PRKAA2: variants seen among roughly 807,000 people sequenced by gnomAD.
The protein encoded by PRKAA2 is protein kinase AMP-activated catalytic subunit alpha 2.
Under a neutral mutation model 56.3 loss-of-function variants are expected in PRKAA2, and 40 were observed. That is an observed-to-expected ratio of 0.71 (90% CI 0.55 to 0.92). The LOEUF is 0.92. Ranked by LOEUF, PRKAA2 falls within the 40% of genes least tolerant of loss-of-function variation. The probability of loss-of-function intolerance (pLI) is 0.00; values close to 1 mark genes in which losing one functional copy is unlikely to be tolerated. For synonymous variants in PRKAA2, 214 were observed against 234.2 expected (o/e 0.91, Z 0.79); for missense variants, 542 against 686.9 (o/e 0.79, Z 2.36).
Position 56,711,748 on chromosome 1 carries a change from C to A in PRKAA2, c.*4035C>A, listed in dbSNP as rs1224508964. ...TATGTTTGGCCTCATTTTTATAACT[C>A]CTAAAATGAGAAAGGTAGATTTTAA... is the stretch of plus-strand genomic sequence containing the variant. On this transcript the variant is annotated 3_prime_UTR_variant, in exon 9 of 9. Transcript: ENST00000371244. The A allele has an allele frequency of 1.3e-5, 2 of 152,052 alleles. No individual in the cohort carries two copies. The highest frequency in any genetic ancestry group is 2.4e-5 in the African/African-American group (1 of 41,420). The allele number at this position is 152,052 out of a possible 1,614,324, so 9.4% of individuals were successfully genotyped here.
intron 1 of PRKAA2, among the ~76,000 whole-genome samples, chr1:56,662,987 G>A (rs1004987607): frequency 1.3e-5 from 2 of 152,114 alleles, no homozygotes; most frequent in Non-Finnish European, 2.9e-5. Flanking sequence ...ATAATCAGAT[G>A]TTGTTGTTCC....
chr1:56,705,062 T>C (rs186409428), intron 7 of PRKAA2, among the ~76,000 whole-genome samples: 1 of 152,304 alleles, frequency 6.6e-6, no homozygotes, highest in Non-Finnish European at 1.5e-5. Context: ...TGAATATATG[T>C]GTGGGGAGGG....
At chr1:56,680,399 T>C (rs113412275) in intron 2 of PRKAA2, among the ~76,000 whole-genome samples, 1 of 152,180 alleles carries the variant, frequency 6.6e-6, no homozygotes, top group Non-Finnish European at 1.5e-5. Context: ...AGGGCACATG[T>C]GCACAATGTG....
At chr1:56,706,432 G>A (rs564367258) in intron 8 of PRKAA2, among the ~76,000 whole-genome samples, 54 of 152,308 alleles carry the variant, frequency 3.5e-4, no homozygotes, top group Middle Eastern at 3.4e-3. Context: ...TCTCCGTGGC[G>A]TAAAAGAATC....
chr1:56,663,126 T>C (rs1034601052), intron 1 of PRKAA2, among the ~76,000 whole-genome samples: 7 of 152,168 alleles, frequency 4.6e-5, no homozygotes, highest in African/African-American at 1.7e-4. Context: ...GACAAGGTCT[T>C]TGTGTCACTG....
At chr1:56,655,634 C>A (rs981008326) in intron 1 of PRKAA2, among the ~76,000 whole-genome samples, 1 of 152,078 alleles carries the variant, frequency 6.6e-6, no homozygotes, top group East Asian at 1.9e-4. Flanking sequence ...TAGGCCCCAT[C>A]TCCAACATTG....
intron 1 of PRKAA2, among the ~76,000 whole-genome samples, chr1:56,658,722 C>G (rs114799249): frequency 1.3e-5 from 2 of 151,456 alleles, no homozygotes; most frequent in Non-Finnish European, 2.9e-5. Flanking sequence ...AGTGATCCTC[C>G]GTGATCCTCC....
At chr1:56,669,054 G>A (rs965304545) in intron 1 of PRKAA2, among the ~76,000 whole-genome samples, 8 of 152,088 alleles carry the variant, frequency 5.3e-5, no homozygotes, top group Non-Finnish European at 1.0e-4. Flanking sequence ...AGTTGGAAGG[G>A]GAATTAGCTT....
intron 1 of PRKAA2, among the ~76,000 whole-genome samples, chr1:56,666,974 C>T (rs1260993993): frequency 3.9e-5 from 6 of 152,146 alleles, no homozygotes; most frequent in Non-Finnish European, 7.3e-5. Context: ...CCAACACCAT[C>T]GTACAAAATT....
rs1644373923 is a variant in PRKAA2 at position 56,712,333 on chromosome 1, C to T, written c.*4620C>T. ...AAAATAAACACAGATGTATTGCTTT[C>T]AAGTCTTAGAGTGACATAAAGTAGT... On this transcript the variant is annotated 3_prime_UTR_variant, in exon 9 of 9. Transcript: ENST00000371244. 1 of 152,146 alleles carries T rather than the reference C, an allele frequency of 6.6e-6. No individual in the cohort carries two copies. Among genetic ancestry groups the T allele is most frequent in the Non-Finnish European group, 1.5e-5 (1 of 68,010 alleles). The allele number at this position is 152,146 out of a possible 1,614,324, so 9.4% of individuals were successfully genotyped here. A position where few individuals can be genotyped will look rare whatever the true frequency, so the allele number is the denominator to read the frequency against.
At chr1:56,675,409 C>T (rs559109277) in intron 2 of PRKAA2, among the ~76,000 whole-genome samples, 1 of 151,654 alleles carries the variant, frequency 6.6e-6, no homozygotes, top group African/African-American at 2.4e-5. Context: ...TTAATATTAT[C>T]TTCATGATCA....
At chr1:56,672,797 C>A (rs1569742673) in intron 1 of PRKAA2, among the ~76,000 whole-genome samples, 1 of 151,998 alleles carries the variant, frequency 6.6e-6, no homozygotes, top group East Asian at 1.9e-4. Flanking sequence ...AGGTGGAAAC[C>A]AGATAGCTGT....
rs191242482 is a variant in PRKAA2 at position 56,702,455 on chromosome 1, G to A, written c.789-1516G>A. On this transcript the variant is annotated intron_variant, in intron 6 of 8. Transcript: ENST00000371244. Reference sequence around the variant, plus strand: ...CTTTACAGAATGATAACTAGGTTATGCTACCCTGTCTCTTTAAAATCCTTC... The same window carrying A: ...CTTTACAGAATGATAACTAGGTTATACTACCCTGTCTCTTTAAAATCCTTC... Among the ~76,000 whole-genome samples, 267 of 152,264 alleles carry A rather than the reference G, an allele frequency of 1.8e-3. 3 individuals are homozygous for A. The highest frequency in any genetic ancestry group is 0.017 in the Middle Eastern group (5 of 294).
At chr1:56,647,051 A>T (rs1646648739) in intron 1 of PRKAA2, among the ~76,000 whole-genome samples, 1 of 152,256 alleles carries the variant, frequency 6.6e-6, no homozygotes, top group Non-Finnish European at 1.5e-5. Context: ...GTTTTCAATA[A>T]GGTGGTCAGA....
At chr1:56,655,280 A>ATATATATATATATATTTT in intron 1 of PRKAA2, among the ~76,000 whole-genome samples, 21 of 93,654 alleles carry the variant, frequency 2.2e-4, no homozygotes, top group African/African-American at 7.3e-4. Flanking sequence ...ATATATATAT[A>ATATATATATATATATTTT]TTTTTTTTTT....
chr1:56,703,877 CTTTTGATTATA>C, intron 6 of PRKAA2, 83 bp from the exon 7 acceptor site: 1 of 1,383,626 alleles, frequency 7.2e-7, no homozygotes, highest in Non-Finnish European at 9.8e-7. Context: ...GAGACCAGAT[CTTTTGATTATA>C]TTCTATTATA....
Position 56,707,704 on chromosome 1 carries a change from A to G in PRKAA2, c.1650A>G (p.Leu550=), listed in dbSNP as rs777235027. Residue 550 remains leucine (L), a synonymous_variant, in exon 9 of 9, where the codon TTA becomes TTG. Coordinates refer to ENST00000371244, the MANE Select transcript of PRKAA2 (RefSeq NM_006252.4). ...FEMCASLITT[L]AR ...TGTGTGCCAGTCTGATTACTACTTT[A>G]GCCCGTTGATCTGTCTCTAGTTTCT... The G allele has an allele frequency of 8.2e-6, 13 of 1,590,532 alleles. No individual in the cohort carries two copies. The highest frequency in any genetic ancestry group is 1.0e-5 in the Non-Finnish European group (12 of 1,158,600).
chr1:56,647,800 C>T (rs1383580120), intron 1 of PRKAA2, among the ~76,000 whole-genome samples: 8 of 151,346 alleles, frequency 5.3e-5, no homozygotes, highest in South Asian at 4.2e-4. Flanking sequence ...GAGGCTGAGG[C>T]GGGCGGTTCA....
At chr1:56,706,370 G>T (rs56208663) in intron 8 of PRKAA2, 152 bp downstream of exon 8, 113 of 767,702 alleles carry the variant, frequency 1.5e-4, no homozygotes, top group Non-Finnish European at 2.1e-4. Context: ...GAAGTGAAAA[G>T]GATGAAAGAC....
Sources: allele counts gnomAD v4.1 joint callset (sites outside exome capture counted in the v4.1 genomes callset), GRCh38; gene constraint gnomAD v4.1.1; transcripts MANE v1.5; gene names NCBI Gene and HGNC (gene_info 2026-07-23, HGNC 2026-07-21).